Variants in FBLN5 observed in about 807,000 individuals in gnomAD.
The protein encoded by FBLN5 is fibulin 5, also known as fibulin-5.
A neutral mutation model predicts 61.6 loss-of-function variants in FBLN5; 24 were observed. That is an observed-to-expected ratio of 0.39 (90% confidence interval 0.28 to 0.55). The LOEUF is 0.55. Among genes scored for constraint, FBLN5 ranks in the 20% least tolerant of loss-of-function variants. The pLI, the probability that FBLN5 is intolerant of heterozygous loss-of-function variation, is 0.65. For synonymous variants in FBLN5, 213 were observed against 219.8 expected (o/e 0.97, Z 0.27); for missense variants, 470 against 594.1 (o/e 0.79, Z 2.17).
chr14:91,925,668 C>T (rs2055815834), intron 4 of FBLN5, among the ~76,000 whole-genome samples: 1 of 152,210 alleles, frequency 6.6e-6, no homozygotes, highest in Admixed American at 6.5e-5. Context: ...AGCGTTTCCC[C>T]TTAAGGAAGG....
intron 4 of FBLN5, among the ~76,000 whole-genome samples, chr14:91,917,126 G>C (rs909581580): frequency 6.6e-6 from 1 of 152,154 alleles, no homozygotes; most frequent in Non-Finnish European, 1.5e-5. Flanking sequence ...AGCTGCCAGC[G>C]GCCTCCACTT....
intron 10 of FBLN5, chr14:91,874,201 G>C (rs1431065072): frequency 6.6e-6 from 1 of 152,186 alleles, no homozygotes; most frequent in South Asian, 2.1e-4. Flanking sequence ...GGGTGTGAGA[G>C]CCTGGATGGC....
At position 91,915,358 on chromosome 14, in the gene FBLN5, CAG is replaced by C. The variant is rs201727037; in HGVS notation, c.380-20288_380-20287del. 4.8e-3 allele frequency among the ~76,000 whole-genome samples: 732 copies of C among 152,052 alleles called. 13 individuals carry two copies. The highest frequency in any genetic ancestry group is 0.046 in the Admixed American group (699 of 15,274). The stretch of plus-strand genomic sequence containing the variant: ...TATGTAAAACTGACTTAAGAAGAAA[CAG>C]AAAGTGCAAACAGTCCCCTAACTTT... On this transcript the variant is annotated intron_variant, in intron 4 of 10. Coordinates refer to ENST00000342058, the MANE Select transcript of FBLN5 (RefSeq NM_006329.4).
At chr14:91,936,901 C>T in intron 4 of FBLN5, 46 bp downstream of exon 4, 2 of 1,613,368 alleles carry the variant, frequency 1.2e-6, no homozygotes, top group Non-Finnish European at 1.7e-6. Flanking sequence ...CAGACGATGT[C>T]TTCACCAAAG....
intron 4 of FBLN5, among the ~76,000 whole-genome samples, chr14:91,924,933 G>A (rs2055802751): frequency 6.6e-6 from 1 of 152,028 alleles, no homozygotes; most frequent in Non-Finnish European, 1.5e-5. Flanking sequence ...TTTCCCTAAT[G>A]GAATGAAGCA....
chr14:91,910,934 C>T (rs1490171993), intron 4 of FBLN5, among the ~76,000 whole-genome samples: 1 of 152,072 alleles, frequency 6.6e-6, no homozygotes, highest in Non-Finnish European at 1.5e-5. Context: ...GGAACACCAG[C>T]TTTGGGGTCG....
rs1037587002 is a variant in FBLN5, at chr14:91,914,645, G to T, written c.380-19573C>A. 7.3e-5 allele frequency among the ~76,000 whole-genome samples: 11 copies of T among 151,186 alleles called. No individual in the cohort carries two copies. In the South Asian group the frequency reaches 8.3e-4, roughly 11 times the overall value. ...TGAGACTCTCGAAAAAATAAAAAAA[G>T]AAAAAAATTTAAACAGAAACAAATC... On this transcript the variant is annotated intron_variant, in intron 4 of 10. Coordinates refer to ENST00000342058, the MANE Select transcript of FBLN5 (RefSeq NM_006329.4).
At chr14:91,890,591 T>C (rs968193396) in intron 6 of FBLN5, among the ~76,000 whole-genome samples, 1 of 152,238 alleles carries the variant, frequency 6.6e-6, no homozygotes. Flanking sequence ...GGCATGCAAC[T>C]TGTTTTTCTT....
chr14:91,878,168 C>A, intron 9 of FBLN5: 2 of 302,672 alleles, frequency 6.6e-6, no homozygotes, highest in Non-Finnish European at 6.4e-6. Context: ...GTTACTGAAT[C>A]GAATATAATC....
chr14:91,928,682 G>A (rs1477650092), intron 4 of FBLN5, among the ~76,000 whole-genome samples: 1 of 151,956 alleles, frequency 6.6e-6, no homozygotes, highest in Non-Finnish European at 1.5e-5. Context: ...TGAGATGGGA[G>A]GGTCACTTAT....
At chr14:91,925,600 C>G (rs550551630) in intron 4 of FBLN5, among the ~76,000 whole-genome samples, 204 of 152,274 alleles carry the variant, frequency 1.3e-3, no homozygotes, top group Middle Eastern at 3.4e-3. Flanking sequence ...GAGCCAGTCT[C>G]CCCCATGGCA....
rs555646707 is a variant in FBLN5, at chr14:91,926,354, A to G, written c.379+10593T>C. 2.0e-5 allele frequency among the ~76,000 whole-genome samples: 3 copies of G among 152,226 alleles called. No homozygotes were observed. The South Asian group carries it at 6.2e-4, about 32-fold the overall frequency. On this transcript the variant is annotated intron_variant, in intron 4 of 10. Transcript: ENST00000342058. ...CTCTCTGATGACGGGTCAGCCCAGTACCACCAGCACTTCCCCAGTCCCAGC... is the reference window on the plus strand; with the variant it reads ...CTCTCTGATGACGGGTCAGCCCAGTGCCACCAGCACTTCCCCAGTCCCAGC...
chr14:91,925,545 T>A (rs1207017636), intron 4 of FBLN5, among the ~76,000 whole-genome samples: 1 of 152,136 alleles, frequency 6.6e-6, no homozygotes, highest in Non-Finnish European at 1.5e-5. Context: ...TGGTGCCCTC[T>A]GGAGTTGTGC....
chr14:91,906,022 G>C (rs1242397069), intron 4 of FBLN5, among the ~76,000 whole-genome samples: 3 of 152,090 alleles, frequency 2.0e-5, no homozygotes, highest in Non-Finnish European at 4.4e-5. Context: ...GAATGGATGG[G>C]ATTACAGGCA....
intron 4 of FBLN5, among the ~76,000 whole-genome samples, chr14:91,932,460 A>T (rs1323883735): frequency 6.6e-6 from 1 of 152,186 alleles, no homozygotes; most frequent in African/African-American, 2.4e-5. Context: ...TGGAAACAGC[A>T]TGGCTTCATG....
intron 4 of FBLN5, among the ~76,000 whole-genome samples, chr14:91,901,063 T>C (rs1890429825): frequency 6.6e-6 from 1 of 152,182 alleles, no homozygotes; most frequent in Non-Finnish European, 1.5e-5. Flanking sequence ...GGAGTCTCCA[T>C]CTCCACCTCT....
In FBLN5 at chr14:91,909,628, G is replaced by A. The variant is rs560560653; in HGVS notation, c.380-14556C>T. Among the ~76,000 whole-genome samples the A allele has an allele frequency of 3.3e-5, 5 of 152,240 alleles. No homozygotes were observed. In the South Asian group the frequency reaches 6.2e-4, roughly 19 times the overall value. The stretch of plus-strand genomic sequence containing the variant: ...TTTCTAAGAAGACAAAGACAGACCC[G>A]AGCTGATATTCACACTCTTGCTTTC... On this transcript the variant is annotated intron_variant, in intron 4 of 10. Coordinates refer to ENST00000342058, the MANE Select transcript of FBLN5 (RefSeq NM_006329.4).
chr14:91,926,361 G>A (rs901265431), intron 4 of FBLN5, among the ~76,000 whole-genome samples: 1 of 152,140 alleles, frequency 6.6e-6, no homozygotes, highest in Non-Finnish European at 1.5e-5. Context: ...AGTACCACCA[G>A]CACTTCCCCA....
chr14:91,920,195 C>A (rs1337734829), intron 4 of FBLN5, among the ~76,000 whole-genome samples: 2 of 152,142 alleles, frequency 1.3e-5, no homozygotes, highest in Non-Finnish European at 2.9e-5. Flanking sequence ...ATTTTATTAA[C>A]CCATTTGTGG....
Sources: gnomAD v4.1 joint callset for allele counts (sites outside exome capture counted in the v4.1 genomes callset) on GRCh38, gnomAD v4.1.1 for gene constraint, MANE v1.5 for transcripts, NCBI Gene and HGNC (gene_info 2026-07-23, HGNC 2026-07-21) for gene names.